The following EPX variants were observed in gnomAD, a reference collection of about 807,000 sequenced individuals.
EPX encodes eosinophil peroxidase.
EPX carries 60 observed loss-of-function variants against 73.0 expected under a neutral mutation model. The observed-to-expected ratio is 0.82, with a 90% CI of 0.67 to 1.02. The LOEUF (loss-of-function observed/expected upper bound fraction) is 1.02. Ranked by LOEUF, EPX falls within the 50% of genes least tolerant of loss-of-function variation. The pLI, the probability that EPX is intolerant of heterozygous loss-of-function variation, is 0.00. For missense variants in EPX, 950 were observed against 973.9 expected, an observed-to-expected ratio of 0.98 and a Z score of 0.33; for synonymous variants, 347 against 389.2, an observed-to-expected ratio of 0.89 and a Z score of 1.28.
At chr17:58,192,955 A>AG (rs1567787375) in intron 1 of EPX, 33 bp downstream of exon 1, 1 of 1,607,482 alleles carries the variant, frequency 6.2e-7, no homozygotes, top group Non-Finnish European at 8.5e-7. Context: ...AGGAGGAGGG[A>AG]GGGGAAATGG....
chr17:58,202,912 G>A, intron 10 of EPX, 169 bp from the exon 11 acceptor site: 1 of 665,782 alleles, frequency 1.5e-6, no homozygotes, highest in Non-Finnish European at 2.7e-6. Context: ...TTCAATCAGA[G>A]GACAGAAACC....
At chr17:58,196,241 GGGATTAC>G (rs1223575848) in intron 6 of EPX, among the ~76,000 whole-genome samples, 1 of 152,076 alleles carries the variant, frequency 6.6e-6, no homozygotes. Context: ...CCGAGTAGCT[GGGATTAC>G]AGGCATGTGC....
In EPX at chr17:58,194,000, G is replaced by A. The variant is rs1170820730; in HGVS notation, c.502G>A (p.Ala168Thr). The change falls in exon 5 of 13, where the codon GCT (alanine) becomes ACT (threonine). Residue 168 changes from alanine to threonine, a missense_variant. Physicochemically the swap from Ala to Thr is moderately conservative, Grantham distance 58. Coordinates refer to ENST00000225371, the MANE Select transcript of EPX (RefSeq NM_000502.6). ...PLLGASNQAL[A>T]RWLPAEYEDG... Reference sequence around the variant, plus strand: ...GCTAGGGGCCTCCAACCAGGCTCTGGCTCGCTGGCTGCCCGCCGAGTATGA... The same window carrying A: ...GCTAGGGGCCTCCAACCAGGCTCTGACTCGCTGGCTGCCCGCCGAGTATGA... 4 of 1,612,950 alleles carry A rather than the reference G, an allele frequency of 2.5e-6. No homozygotes were observed. In the Admixed American group the frequency reaches 6.7e-5, roughly 27 times the overall value.
chr17:58,197,829 T>A (rs1968282072), intron 7 of EPX, among the ~76,000 whole-genome samples: 1 of 151,388 alleles, frequency 6.6e-6, no homozygotes, highest in East Asian at 1.9e-4. Context: ...CATTAAGATA[T>A]TTATCTTATT....
chr17:58,200,091 T>C (rs1968318678), intron 9 of EPX, 134 bp from the exon 10 acceptor site: 1 of 867,708 alleles, frequency 1.2e-6, no homozygotes, highest in Non-Finnish European at 1.9e-6. Flanking sequence ...TCTCCAGAAC[T>C]CTGTTTCCTG....
In EPX at chr17:58,199,574, G is replaced by C; in HGVS notation, c.1317G>C (p.Leu439=). ...ACCGAGACTTTCTGCCCCTGGTTCT[G>C]GGCAAGGCCCGGGCCAGGAGAACCC... ...ITYRDFLPLV[L]GKARARRTLG... The change falls in exon 9 of 13, where the codon CTG becomes CTC. Residue 439 remains leucine, a synonymous_variant. Transcript: ENST00000225371. The C allele has an allele frequency of 6.2e-7, 1 of 1,614,104 alleles. No individual in the cohort carries two copies. Among genetic ancestry groups the C allele is most frequent in the Non-Finnish European group, 8.5e-7 (1 of 1,180,010 alleles).
chr17:58,200,246 G>A lies in EPX; in HGVS notation c.1559G>A (p.Arg520Gln), dbSNP rs774842937. The A allele has an allele frequency of 6.8e-6, 11 of 1,614,138 alleles. No individual in the cohort carries two copies. The highest frequency in any genetic ancestry group is 3.3e-5 in the Admixed American group (2 of 60,024). Residue 520 changes from arginine (R) to glutamine (Q), a missense_variant, in exon 10 of 13, where the codon CGG becomes CAG. Transcript: ENST00000225371. Reference protein sequence around the residue: ...VYEGGIDPILRGLMATPAKLN... With the variant: ...VYEGGIDPILQGLMATPAKLN... ...CCAGGGGGCATCGACCCCATCCTCC[G>A]GGGCCTCATGGCCACCCCTGCCAAG...
At chr17:58,203,439 G>A (rs1968369902) in intron 11 of EPX, 121 bp downstream of exon 11, 1 of 811,206 alleles carries the variant, frequency 1.2e-6, no homozygotes, top group South Asian at 1.4e-5. Flanking sequence ...AAGTTCACAG[G>A]ATCTGAAATC....
intron 9 of EPX, 33 bp from the exon 10 acceptor site, chr17:58,200,192 C>T (rs773547917): frequency 6.2e-7 from 1 of 1,610,650 alleles, no homozygotes; most frequent in African/African-American, 1.3e-5. Flanking sequence ...AGAGGCTGGT[C>T]CAATCTGTGC....
Position 58,193,381 on chromosome 17 carries a change from C to T in EPX, c.181C>T (p.Arg61Trp), listed in dbSNP as rs754444904. Residue 61 changes from arginine to tryptophan, a missense_variant, in exon 3 of 13, where the codon CGG (arginine) becomes TGG (tryptophan). Coordinates refer to ENST00000225371, the MANE Select transcript of EPX (RefSeq NM_000502.6). ...TCCTCTCCTGGGCAGCATCAAGCAG[C>T]GGCTTCGCAGCGGTTCAGCCAGCCC... ...YNWTQKSIKQ[R>W]LRSGSASPMD... 1.5e-5 allele frequency: 24 copies of T among 1,614,030 alleles called. No homozygotes were observed. Among genetic ancestry groups the T allele is most frequent in the Admixed American group, 6.7e-5 (4 of 60,008 alleles).
chr17:58,195,665 A>G (rs1968245229), intron 6 of EPX, among the ~76,000 whole-genome samples: 1 of 152,078 alleles, frequency 6.6e-6, no homozygotes. Flanking sequence ...TGCTAGGAAC[A>G]TAGGGTTGAC....
chr17:58,200,229 C>T lies in EPX; in HGVS notation c.1542C>T (p.Gly514=). ...GCTCACATTCCCTGCCACCAGGGGG[C>T]ATCGACCCCATCCTCCGGGGCCTCA... ...FASWRIVYEG[G]IDPILRGLMA... Residue 514 remains glycine, a synonymous_variant, in exon 10 of 13, where the codon GGC becomes GGT. Transcript: ENST00000225371. The T allele has an allele frequency of 6.2e-7, 1 of 1,614,046 alleles. No homozygotes were observed. Among genetic ancestry groups the T allele is most frequent in the Non-Finnish European group, 8.5e-7 (1 of 1,179,958 alleles).
At chr17:58,204,501 G>A in intron 12 of EPX, 67 bp downstream of exon 12, 2 of 944,534 alleles carry the variant, frequency 2.1e-6, no homozygotes, top group Admixed American at 1.9e-5. Context: ...TGGATGGATG[G>A]CTGAGTCCTC....
intron 2 of EPX, 99 bp from the exon 3 acceptor site, chr17:58,193,272 T>A: frequency 7.5e-7 from 1 of 1,329,344 alleles, no homozygotes; most frequent in African/African-American, 1.4e-5. Flanking sequence ...CATCCATCCT[T>A]CTGTCCGCTT....
chr17:58,200,922 C>G (rs540598784), intron 10 of EPX, among the ~76,000 whole-genome samples: 34 of 152,280 alleles, frequency 2.2e-4, no homozygotes, highest in African/African-American at 7.9e-4. Flanking sequence ...CTTTGTTAGT[C>G]ACTTTCATGT....
Position 58,193,845 on chromosome 17 carries a change from G to A in EPX, c.464+14G>A, listed in dbSNP as rs34555545. The A allele has an allele frequency of 2.3e-3, 3,650 of 1,597,916 alleles. 81 individuals carry two copies. In the African/African-American group the frequency reaches 0.042, roughly 19 times the overall value. ...GTGCAACAACAAGTGCGTGCGGGGC[G>A]GCAGGAGGGGCTGCCCCTGCCTGGG... is the stretch of plus-strand genomic sequence containing the variant. On this transcript the variant is annotated intron_variant, in intron 4 of 12. Coordinates refer to ENST00000225371, the MANE Select transcript of EPX (RefSeq NM_000502.6).
chr17:58,193,516 C>A lies in EPX; in HGVS notation c.316C>A (p.Pro106Thr), dbSNP rs752392549. ...ALGLLEEKLQ[P>T]QRSGPFNVTD... is the part of the protein sequence containing the mutation. ...GGGGCTGCTTGAAGAGAAGTTACAACCCCAGCGGTCCGGACCCTTCAATGT... is the reference window on the plus strand; with the variant it reads ...GGGGCTGCTTGAAGAGAAGTTACAAACCCAGCGGTCCGGACCCTTCAATGT... The change falls in exon 3 of 13, where the codon CCC becomes ACC. Residue 106 changes from proline to threonine, a missense_variant. Coordinates refer to ENST00000225371, the MANE Select transcript of EPX (RefSeq NM_000502.6). The A allele has an allele frequency of 1.5e-5, 25 of 1,614,078 alleles. 1 individual carries two copies. Among genetic ancestry groups the A allele is most frequent in the Non-Finnish European group, 1.9e-5 (23 of 1,180,028 alleles).
intron 12 of EPX, 122 bp from the exon 13 acceptor site, chr17:58,204,614 G>C (rs937656178): frequency 1.7e-6 from 1 of 597,348 alleles, no homozygotes; most frequent in Non-Finnish European, 3.0e-6. Flanking sequence ...CCAGGCCCTA[G>C]GACTTTGGGG....
intron 5 of EPX, among the ~76,000 whole-genome samples, chr17:58,194,615 T>C (rs957483588): frequency 6.6e-6 from 1 of 152,236 alleles, no homozygotes; most frequent in African/African-American, 2.4e-5. Context: ...AACCAGCCCA[T>C]GCACCTGTGA....
Sources: gnomAD v4.1 joint callset for allele counts (sites outside exome capture counted in the v4.1 genomes callset) on GRCh38, gnomAD v4.1.1 for gene constraint, MANE v1.5 for transcripts, NCBI Gene and HGNC (gene_info 2026-07-23, HGNC 2026-07-21) for gene names.